RBMS3: variants seen among roughly 807,000 people sequenced by gnomAD.
RBMS3 encodes RNA-binding motif, single-stranded-interacting protein 3.
Under a neutral mutation model 66.8 loss-of-function variants are expected in RBMS3, and 27 were observed. That is an observed-to-expected ratio of 0.40 (90% CI 0.30 to 0.56). The LOEUF is 0.56. RBMS3 is among the 20% of genes least tolerant of loss of function. RBMS3 has a pLI of 0.40. For synonymous variants in RBMS3, 188 were observed against 183.0 expected (o/e 1.03, Z -0.22); for missense variants, 513 against 549.5 (o/e 0.93, Z 0.66).
intron 10 of RBMS3, among the ~76,000 whole-genome samples, chr3:29,907,387 C>T (rs1667184618): frequency 6.6e-6 from 1 of 152,008 alleles, no homozygotes; most frequent in South Asian, 2.1e-4. Flanking sequence ...TGGAATGTAT[C>T]CTTTGACTTA....
chr3:29,571,443 T>G (rs2046950939), intron 3 of RBMS3, among the ~76,000 whole-genome samples: 1 of 152,144 alleles, frequency 6.6e-6, no homozygotes. Flanking sequence ...TTTGATATGT[T>G]TTTTGTATAT....
intron 1 of RBMS3, among the ~76,000 whole-genome samples, chr3:29,410,466 G>A (rs939882202): frequency 3.9e-5 from 6 of 152,120 alleles, no homozygotes; most frequent in African/African-American, 9.7e-5. Context: ...CCATCTGTTC[G>A]TTCCGTGACA....
chr3:29,747,564 A>G (rs2054978795), intron 5 of RBMS3, among the ~76,000 whole-genome samples: 2 of 152,180 alleles, frequency 1.3e-5, no homozygotes, highest in African/African-American at 4.8e-5. Flanking sequence ...TTACAGACCA[A>G]CATTCTACTG....
chr3:29,985,553 C>T (rs911913319), intron 12 of RBMS3, among the ~76,000 whole-genome samples: 11 of 152,166 alleles, frequency 7.2e-5, no homozygotes, highest in East Asian at 3.9e-4. Flanking sequence ...GGCCAGAATG[C>T]ATGTTCCTTA....
chr3:29,620,776 C>G (rs1243249685), intron 4 of RBMS3, among the ~76,000 whole-genome samples: 1 of 151,894 alleles, frequency 6.6e-6, no homozygotes, highest in Non-Finnish European at 1.5e-5. Context: ...AGAACTCATT[C>G]CCTGGCTATT....
intron 4 of RBMS3, among the ~76,000 whole-genome samples, chr3:29,655,945 C>A (rs369617861): frequency 1.4e-3 from 201 of 140,190 alleles, no homozygotes; most frequent in Non-Finnish European, 1.4e-3. Flanking sequence ...GCTTAAAAAG[C>A]AAAAAAAAAA....
At chr3:29,512,575 C>A (rs1299698112) in intron 3 of RBMS3, among the ~76,000 whole-genome samples, 2 of 152,064 alleles carry the variant, frequency 1.3e-5, no homozygotes, top group East Asian at 3.9e-4. Context: ...TTTGATCCAT[C>A]CTACTTTATG....
chr3:29,849,129 T>C (rs1261663171), intron 6 of RBMS3, among the ~76,000 whole-genome samples: 1 of 151,788 alleles, frequency 6.6e-6, no homozygotes, highest in Non-Finnish European at 1.5e-5. Flanking sequence ...CACATACTTA[T>C]GCACATACAA....
chr3:29,644,642 C>T (rs1270299202), intron 4 of RBMS3, among the ~76,000 whole-genome samples: 1 of 152,024 alleles, frequency 6.6e-6, no homozygotes, highest in East Asian at 1.9e-4. Flanking sequence ...ACAAACAAAC[C>T]CTAGTTTTGA....
intron 11 of RBMS3, among the ~76,000 whole-genome samples, chr3:29,936,502 G>A (rs910752416): frequency 6.6e-6 from 1 of 151,980 alleles, no homozygotes; most frequent in Non-Finnish European, 1.5e-5. Flanking sequence ...TGCAAATCTA[G>A]ACCCTTTGAC....
At chr3:29,543,574 G>A (rs1050004321) in intron 3 of RBMS3, among the ~76,000 whole-genome samples, 13 of 152,098 alleles carry the variant, frequency 8.5e-5, no homozygotes, top group African/African-American at 3.1e-4. Context: ...GCCAGGTTTG[G>A]TGGCGCAAGT....
intron 4 of RBMS3, among the ~76,000 whole-genome samples, chr3:29,699,500 AAATC>A (rs1239694741): frequency 7.5e-5 from 10 of 132,688 alleles, no homozygotes; most frequent in Admixed American, 2.3e-4. Flanking sequence ...ATGAAAATGA[AAATC>A]AACTATAATT....
At chr3:29,969,598 C>T (rs1697091526) in intron 12 of RBMS3, among the ~76,000 whole-genome samples, 1 of 152,136 alleles carries the variant, frequency 6.6e-6, no homozygotes, top group Non-Finnish European at 1.5e-5. Flanking sequence ...CCAGGTGTCT[C>T]TGTATGGAAA....
intron 12 of RBMS3, among the ~76,000 whole-genome samples, chr3:29,959,015 C>A (rs780535610): frequency 2.0e-5 from 3 of 152,122 alleles, no homozygotes; most frequent in African/African-American, 7.2e-5. Flanking sequence ...TGAGAAGATA[C>A]AAGAATTCGA....
intron 14 of RBMS3, among the ~76,000 whole-genome samples, chr3:30,001,747 G>A (rs1400164674): frequency 1.3e-5 from 2 of 151,246 alleles, no homozygotes; most frequent in African/African-American, 4.9e-5. Flanking sequence ...TTCTTCACAT[G>A]AATTCCTGTT....
chr3:29,755,698 T>C (rs2055379456), intron 5 of RBMS3, among the ~76,000 whole-genome samples: 1 of 152,182 alleles, frequency 6.6e-6, no homozygotes, highest in Non-Finnish European at 1.5e-5. Flanking sequence ...ATGCAACCCC[T>C]GCTAGACAGA....
intron 5 of RBMS3, among the ~76,000 whole-genome samples, chr3:29,742,191 G>C (rs948084740): frequency 2.0e-5 from 3 of 152,132 alleles, no homozygotes; most frequent in Admixed American, 6.5e-5. Context: ...TGGTATATGA[G>C]ATCATGAAAG....
At chr3:29,632,025 G>A (rs2049300490) in intron 4 of RBMS3, among the ~76,000 whole-genome samples, 1 of 148,994 alleles carries the variant, frequency 6.7e-6, no homozygotes, top group South Asian at 2.2e-4. Flanking sequence ...CCTTGCAAAT[G>A]AATGACCGTT....
chr3:29,818,392 A>AT (rs148725855), intron 6 of RBMS3, among the ~76,000 whole-genome samples: 3,765 of 151,014 alleles, frequency 0.025, 77 homozygotes, highest in East Asian at 0.14. Flanking sequence ...CCATGTGTGT[A>AT]TTTTTTCTAT....
Sources: gnomAD v4.1 joint callset for allele counts (sites outside exome capture counted in the v4.1 genomes callset) on GRCh38, gnomAD v4.1.1 for gene constraint, MANE v1.5 for transcripts, NCBI Gene and HGNC (gene_info 2026-07-23, HGNC 2026-07-21) for gene names.